TYR: variants seen among roughly 807,000 people sequenced by gnomAD.
The protein encoded by TYR is tyrosinase.
A neutral mutation model predicts 51.5 loss-of-function variants in TYR; 58 were observed. The ratio of observed to expected loss-of-function variants is 1.13; its 90% confidence interval spans 0.91 to 1.40. TYR has a LOEUF of 1.40. TYR is among the 40% of genes most tolerant of loss of function. The pLI is 0.00. For synonymous variants in TYR, 263 were observed against 235.2 expected (o/e 1.12, Z -1.08); for missense variants, 732 against 647.4 (o/e 1.13, Z -1.42).
intron 2 of TYR, among the ~76,000 whole-genome samples, chr11:89,216,647 C>CA (rs11411684): frequency 0.42 from 33,478 of 80,572 alleles, 6,250 homozygotes; most frequent in Non-Finnish European, 0.47. Flanking sequence ...TTTTCCATCT[C>CA]AAAAAAAAAA....
chr11:89,259,695 A>G (rs1262257810), intron 3 of TYR, among the ~76,000 whole-genome samples: 2 of 152,010 alleles, frequency 1.3e-5, no homozygotes, highest in Non-Finnish European at 2.9e-5. Flanking sequence ...AACCAGAATA[A>G]TATTCTAGGC....
At chr11:89,271,764 C>G (rs905228818) in intron 3 of TYR, among the ~76,000 whole-genome samples, 16 of 151,970 alleles carry the variant, frequency 1.1e-4, no homozygotes, top group African/African-American at 3.9e-4. Context: ...TCAATCCTCT[C>G]AAACCCTACT....
chr11:89,194,661 T>TATCTATCG (rs1474772421), intron 2 of TYR, among the ~76,000 whole-genome samples: 4 of 151,896 alleles, frequency 2.6e-5, no homozygotes, highest in African/African-American at 9.7e-5. Context: ...TCTATCTATC[T>TATCTATCG]ATCTATCTAT....
intron 3 of TYR, among the ~76,000 whole-genome samples, chr11:89,240,698 A>AT (rs937905844): frequency 2.0e-4 from 30 of 152,020 alleles, no homozygotes; most frequent in African/African-American, 7.2e-4. Flanking sequence ...TAAATCTCTA[A>AT]TTTTCTTTCT....
intron 2 of TYR, among the ~76,000 whole-genome samples, chr11:89,205,306 C>T (rs1943659041): frequency 6.6e-6 from 1 of 152,092 alleles, no homozygotes; most frequent in African/African-American, 2.4e-5. Flanking sequence ...TTATTAGTGT[C>T]CTAGAAAGAG....
chr11:89,251,096 CATT>C (rs1336949418), intron 3 of TYR, among the ~76,000 whole-genome samples: 1 of 151,728 alleles, frequency 6.6e-6, no homozygotes. Context: ...AGAGAAAAAA[CATT>C]AAAGCATGTT....
intron 2 of TYR, among the ~76,000 whole-genome samples, chr11:89,194,728 T>G (rs1943493136): frequency 1.3e-5 from 2 of 152,136 alleles, no homozygotes; most frequent in Non-Finnish European, 2.9e-5. Flanking sequence ...TTCCATTGTT[T>G]GATAGTGTAT....
chr11:89,199,773 A>G (rs1015113058), intron 2 of TYR, among the ~76,000 whole-genome samples: 2 of 152,174 alleles, frequency 1.3e-5, no homozygotes, highest in Non-Finnish European at 2.9e-5. Context: ...ATAGGCTGTC[A>G]GTCTTCATGA....
chr11:89,193,283 T>C (rs1943471238), intron 2 of TYR, among the ~76,000 whole-genome samples: 1 of 152,112 alleles, frequency 6.6e-6, no homozygotes, highest in African/African-American at 2.4e-5. Flanking sequence ...CATGGGTTAG[T>C]TGCAGAAATA....
At chr11:89,182,975 C>T (rs925042353) in intron 1 of TYR, among the ~76,000 whole-genome samples, 17 of 152,084 alleles carry the variant, frequency 1.1e-4, no homozygotes, top group African/African-American at 3.4e-4. Flanking sequence ...GAAAAAAAGT[C>T]ACATTTCAGC....
chr11:89,223,392 A>AT (rs1459342149), intron 2 of TYR, among the ~76,000 whole-genome samples: 1 of 151,842 alleles, frequency 6.6e-6, no homozygotes, highest in Non-Finnish European at 1.5e-5. Flanking sequence ...AATTATTTCT[A>AT]TTTTTTTTCA....
chr11:89,183,790 T>C (rs1943332007), intron 1 of TYR, among the ~76,000 whole-genome samples: 1 of 152,120 alleles, frequency 6.6e-6, no homozygotes, highest in African/African-American at 2.4e-5. Context: ...ATTCAAACAG[T>C]GTTATACACC....
chr11:89,235,536 GA>G (rs1944100031), intron 3 of TYR, among the ~76,000 whole-genome samples: 2 of 152,076 alleles, frequency 1.3e-5, no homozygotes, highest in South Asian at 4.2e-4. Context: ...GACAAACCTG[GA>G]GGACATTACA....
intron 3 of TYR, among the ~76,000 whole-genome samples, chr11:89,276,911 T>C (rs1161735152): frequency 1.3e-5 from 2 of 151,774 alleles, no homozygotes; most frequent in African/African-American, 4.8e-5. Context: ...AACTGTGACC[T>C]TTGGATTCAA....
chr11:89,208,656 A>G (rs1042903657), intron 2 of TYR, among the ~76,000 whole-genome samples: 4 of 152,230 alleles, frequency 2.6e-5, no homozygotes, highest in African/African-American at 9.6e-5. Context: ...GAATCTATGG[A>G]TCATTTACAG....
At chr11:89,221,268 G>A (rs1046155746) in intron 2 of TYR, among the ~76,000 whole-genome samples, 3 of 152,226 alleles carry the variant, frequency 2.0e-5, no homozygotes, top group African/African-American at 7.2e-5. Flanking sequence ...AATATGTGGA[G>A]TGTTTGTGCC....
At chr11:89,189,096 T>C (rs1364992803) in intron 1 of TYR, among the ~76,000 whole-genome samples, 1 of 152,052 alleles carries the variant, frequency 6.6e-6, no homozygotes, top group African/African-American at 2.4e-5. Flanking sequence ...AATTTTTTAA[T>C]GTTGAGTTCT....
intron 3 of TYR, among the ~76,000 whole-genome samples, chr11:89,257,452 T>C (rs140570871): frequency 3.9e-5 from 6 of 152,172 alleles, no homozygotes; most frequent in South Asian, 2.1e-4. Context: ...AATAGCCATA[T>C]TATCCGTCTC....
At chr11:89,207,858 C>T (rs2135266521) in intron 2 of TYR, among the ~76,000 whole-genome samples, 1 of 152,252 alleles carries the variant, frequency 6.6e-6, no homozygotes, top group Admixed American at 6.5e-5. Flanking sequence ...TGATATTCTA[C>T]TATATTACAT....
Sources: gnomAD v4.1 joint callset for allele counts (sites outside exome capture counted in the v4.1 genomes callset) on GRCh38, gnomAD v4.1.1 for gene constraint, MANE v1.5 for transcripts, NCBI Gene and HGNC (gene_info 2026-07-23, HGNC 2026-07-21) for gene names.